The following DOCK9 variants were observed in gnomAD, a reference collection of about 807,000 sequenced individuals.
DOCK9 encodes the protein dedicator of cytokinesis 9, also known as dedicator of cytokinesis protein 9.
In DOCK9, 89 loss-of-function variants were observed where a neutral mutation model predicts 263.3. That is an observed-to-expected ratio of 0.34 (90% CI 0.28 to 0.40). The LOEUF is 0.40. Ranked by LOEUF, DOCK9 falls within the 10% of genes least tolerant of loss-of-function variation. The pLI, the probability that DOCK9 is intolerant of heterozygous loss-of-function variation, is 1.00. For synonymous variants in DOCK9, 976 were observed against 973.1 expected (o/e 1.00, Z -0.06); for missense variants, 2,140 against 2,603.4 (o/e 0.82, Z 3.87).
chr13:98,914,494 A>AC, intron 8 of DOCK9, 99 bp from the exon 9 acceptor site: 1 of 995,424 alleles, frequency 1.0e-6, no homozygotes, highest in Non-Finnish European at 1.5e-6. Flanking sequence ...CCTTCAAATG[A>AC]ACACAGTGGT....
At chr13:98,928,789 T>C (rs1198089234) in intron 3 of DOCK9, among the ~76,000 whole-genome samples, 1 of 152,158 alleles carries the variant, frequency 6.6e-6, no homozygotes, top group Admixed American at 6.5e-5. Context: ...TGCTTGCAGG[T>C]CATAGTTTGC....
intron 2 of DOCK9, chr13:98,950,286 G>A (rs2057257749): frequency 2.6e-6 from 2 of 759,180 alleles, no homozygotes; most frequent in Admixed American, 4.7e-5. Flanking sequence ...AATCATATAG[G>A]AATGATTCCA....
intron 6 of DOCK9, among the ~76,000 whole-genome samples, chr13:98,921,849 T>C (rs1325017783): frequency 6.6e-6 from 1 of 152,156 alleles, no homozygotes; most frequent in Non-Finnish European, 1.5e-5. Flanking sequence ...CTCCTTATGC[T>C]GGTGGTCAGA....
intron 2 of DOCK9, among the ~76,000 whole-genome samples, chr13:98,944,139 A>G (rs2056364063): frequency 6.6e-6 from 1 of 152,244 alleles, no homozygotes. Context: ...AAAGAAAAGA[A>G]GAATGTGACC....
At position 99,032,433 on chromosome 13, in the gene DOCK9, A is replaced by G. The variant is rs1189615229; in HGVS notation, c.129+53790T>C. ...GGAGGCTGCAGTGAGCTGAGATCAC[A>G]CCACTGCACTCCACACTTCAGCCTG... On this transcript the variant is annotated intron_variant, in intron 1 of 32. Transcript: ENST00000427887. Among the ~76,000 whole-genome samples the G allele has an allele frequency of 4.0e-5, 6 of 151,142 alleles. No individual in the cohort carries two copies. In the East Asian group the frequency reaches 9.8e-4, roughly 25 times the overall value.
At chr13:98,961,726 AG>A (rs1346524189) in intron 1 of DOCK9, among the ~76,000 whole-genome samples, 1 of 151,772 alleles carries the variant, frequency 6.6e-6, no homozygotes, top group African/African-American at 2.4e-5. Context: ...CATCCCACTC[AG>A]GCCCCAGGGA....
intron 16 of DOCK9, 34 bp from the exon 17 acceptor site, chr13:98,888,581 T>A: frequency 6.2e-7 from 1 of 1,612,584 alleles, no homozygotes. Flanking sequence ...CAAACTGAAG[T>A]AAAACCCAAA....
At chr13:98,819,192 G>T (rs190572829) in intron 45 of DOCK9, among the ~76,000 whole-genome samples, 26 of 152,312 alleles carry the variant, frequency 1.7e-4, no homozygotes, top group South Asian at 6.2e-4. Flanking sequence ...GGTTTGGGGG[G>T]TAAGGATGGG....
intron 1 of DOCK9, among the ~76,000 whole-genome samples, chr13:98,962,543 G>T (rs1379400003): frequency 6.6e-6 from 1 of 151,872 alleles, no homozygotes; most frequent in East Asian, 1.9e-4. Context: ...CTGAGTCAAT[G>T]CATGGAAAAG....
Position 98,962,303 on chromosome 13 carries a change from ATTTC to A in DOCK9, c.127-6756_127-6753del, listed in dbSNP as rs572110908. ...TTATGGCTTGTGTTAGCTTTTTAAA[ATTTC>A]TTTCTTTTTAAATTCTAAATAAATG... On this transcript the variant is annotated intron_variant, in intron 1 of 52. Coordinates refer to ENST00000682017, the MANE Select transcript of DOCK9 (RefSeq NM_001366683.2). 5.9e-5 allele frequency among the ~76,000 whole-genome samples: 9 copies of A among 152,314 alleles called. No homozygotes were observed. The South Asian group carries it at 1.0e-3, about 18-fold the overall frequency.
At chr13:98,844,552 G>A (rs778808607) in intron 38 of DOCK9, among the ~76,000 whole-genome samples, 14 of 152,036 alleles carry the variant, frequency 9.2e-5, no homozygotes, top group South Asian at 6.2e-4. Flanking sequence ...TAGTAGAGAC[G>A]GGGTTTCACC....
At chr13:99,004,065 C>T (rs1882864154) in intron 1 of DOCK9, among the ~76,000 whole-genome samples, 2 of 152,130 alleles carry the variant, frequency 1.3e-5, no homozygotes, top group African/African-American at 2.4e-5. Flanking sequence ...GCTCTCCCTC[C>T]TTGGGACTTT....
At chr13:98,794,808 T>C (rs2089147362) in intron 52 of DOCK9, 60 bp from the exon 53 acceptor site, 1 of 1,578,024 alleles carries the variant, frequency 6.3e-7, no homozygotes, top group South Asian at 1.1e-5. Context: ...TGCAATGCCA[T>C]GTTGCCATGT....
intron 15 of DOCK9, among the ~76,000 whole-genome samples, chr13:98,889,249 G>C (rs1241914089): frequency 6.6e-6 from 1 of 152,154 alleles, no homozygotes; most frequent in Non-Finnish European, 1.5e-5. Context: ...GGGAAAGGGT[G>C]GGAGTGGGGT....
At chr13:98,840,426 G>A (rs891880940) in intron 38 of DOCK9, among the ~76,000 whole-genome samples, 2 of 152,108 alleles carry the variant, frequency 1.3e-5, no homozygotes, top group Non-Finnish European at 2.9e-5. Flanking sequence ...GATGCTTTAC[G>A]GTCCTTCGGA....
chr13:98,831,781 C>T lies in DOCK9; in HGVS notation c.4320G>A (p.Gln1440=). 1 of 1,613,640 alleles carries T rather than the reference C, an allele frequency of 6.2e-7. No individual in the cohort carries two copies. The highest frequency in any genetic ancestry group is 8.5e-7 in the Non-Finnish European group (1 of 1,179,738). The change falls in exon 40 of 53, where the codon CAG becomes CAA. Residue 1440 remains glutamine (Q), a synonymous_variant. Coordinates refer to ENST00000682017, the MANE Select transcript of DOCK9 (RefSeq NM_001366683.2). ...LSLFTLAFKN[Q]LLADHGHNPL... is the part of the protein sequence containing the mutation. ...GATTATGTCCATGGTCGGCCAGGAG[C>T]TGGTTCTTAAAACACACATTGACGG...
rs373591749 is a variant in DOCK9, at chr13:98,885,022, C to A, written c.2331G>T (p.Ser777=). 17 of 1,613,498 alleles carry A rather than the reference C, an allele frequency of 1.1e-5. No individual in the cohort carries two copies. The African/African-American group carries it at 1.7e-4, about 16-fold the overall frequency. The change falls in exon 21 of 53, where the codon TCG becomes TCT. Residue 777 remains serine, a synonymous_variant. Coordinates refer to ENST00000682017, the MANE Select transcript of DOCK9 (RefSeq NM_001366683.2). ...CAAGATAGCCCGAAGGAAGGTTCGC[C>A]GAGACCGGGATGTGCTGCTCGCTTG... ...VVTSEQHIPV[S]ANLPSGYLGY... is the part of the protein sequence containing the mutation.
intron 49 of DOCK9, among the ~76,000 whole-genome samples, chr13:98,800,938 T>A (rs1045176223): frequency 4.6e-5 from 7 of 152,224 alleles, no homozygotes; most frequent in Admixed American, 3.9e-4. Flanking sequence ...TTGAATCACA[T>A]GCTAAGCTTG....
At chr13:98,977,659 C>T in intron 1 of DOCK9, 125 bp downstream of exon 1, 1 of 802,954 alleles carries the variant, frequency 1.2e-6, no homozygotes, top group Non-Finnish European at 1.9e-6. Flanking sequence ...GAGTGGAGTT[C>T]ACAAGGGACA....
Sources: gnomAD v4.1 joint callset for allele counts (sites outside exome capture counted in the v4.1 genomes callset) on GRCh38, gnomAD v4.1.1 for gene constraint, MANE v1.5 for transcripts, NCBI Gene and HGNC (gene_info 2026-07-23, HGNC 2026-07-21) for gene names.